Variants in LDB1 observed in about 807,000 individuals in gnomAD.
LDB1 encodes the protein LIM domain-binding protein 1.
In LDB1, 6 loss-of-function variants were observed where a neutral mutation model predicts 49.7. The ratio of observed to expected loss-of-function variants is 0.12; its 90% CI spans 0.07 to 0.24. The LOEUF (loss-of-function observed/expected upper bound fraction) is 0.24. Ranked by LOEUF, LDB1 falls within the 10% of genes least tolerant of loss-of-function variation. The pLI, the probability that LDB1 is intolerant of heterozygous loss-of-function variation, is 1.00. For synonymous variants in LDB1, 233 were observed against 202.0 expected (o/e 1.15, Z -1.30); for missense variants, 341 against 561.7 (o/e 0.61, Z 3.97).
chr10:102,115,109 T>C (rs915251954), intron 1 of LDB1: 1 of 152,100 alleles, frequency 6.6e-6, no homozygotes, highest in Non-Finnish European at 1.5e-5. Flanking sequence ...ACGGAGGGAC[T>C]GCTGAGAAAA....
chr10:102,114,932 GCCTGCCTTTCTCCCTTTCTCTC>G (rs1220364565), intron 1 of LDB1: 2 of 771,328 alleles, frequency 2.6e-6, no homozygotes, highest in African/African-American at 3.8e-5. Context: ...CCCGCCGGCT[GCCTGCCTTTCTCCCTTTCTCTC>G]CCTGCCTCCC....
intron 6 of LDB1, 92 bp from the exon 7 acceptor site, chr10:102,110,135 C>G: frequency 2.2e-6 from 3 of 1,389,820 alleles, no homozygotes; most frequent in South Asian, 2.6e-5. Context: ...TACAACTCTC[C>G]CATTGCATAC....
downstream of LDB1, among the ~76,000 whole-genome samples, chr10:102,106,455 C>T (rs2068160694): frequency 7.3e-6 from 1 of 136,954 alleles, no homozygotes; most frequent in African/African-American, 2.7e-5. Context: ...TGGACTGAGT[C>T]ATTATTAGGC....
At chr10:102,110,821 G>T (rs763174555) in intron 5 of LDB1, 48 bp downstream of exon 5, 2 of 1,583,542 alleles carry the variant, frequency 1.3e-6, no homozygotes, top group South Asian at 1.1e-5. Flanking sequence ...ACCTTAGAAC[G>T]ACATAGGAGG....
chr10:102,119,973 G>A, intron 1 of LDB1, 113 bp downstream of exon 1: 3 of 786,994 alleles, frequency 3.8e-6, no homozygotes, highest in South Asian at 2.3e-5. Flanking sequence ...TCCAGCCCCC[G>A]GCTTCCCCCA....
At position 102,106,723 on chromosome 10, in the gene LDB1, G is replaced by A. The variant is rs868035580; in HGVS notation, c.*1370C>T. Among the ~76,000 whole-genome samples the A allele has an allele frequency of 6.6e-6, 1 of 152,034 alleles. No individual in the cohort carries two copies. The highest frequency in any genetic ancestry group is 6.6e-5 in the Admixed American group (1 of 15,262). ...CAGAATCCAGAGGGAAGAGTGGGGA[G>A]AGAGGTGGTGTTAGCACTTCCTGGG... On this transcript the variant is annotated 3_prime_UTR_variant, in exon 11 of 11. Transcript: ENST00000673968.
At position 102,113,713 on chromosome 10, in the gene LDB1, C is replaced by T. The variant is rs184012981; in HGVS notation, c.26-2177G>A. On this transcript the variant is annotated intron_variant, in intron 1 of 10. Transcript: ENST00000673968. The stretch of plus-strand genomic sequence containing the variant: ...CACTTGAAATGTGTTAGCTCAAGAA[C>T]CTGAAGAGACAGGAGGCAGGACGCC... Among the ~76,000 whole-genome samples, 129 of 151,292 alleles carry T rather than the reference C, an allele frequency of 8.5e-4. 1 individual carries two copies. The South Asian group carries it at 0.014, about 16-fold the overall frequency.
At chr10:102,108,398 G>A (rs1358089703) in intron 10 of LDB1, 75 bp from the exon 11 acceptor site, 7 of 1,165,972 alleles carry the variant, frequency 6.0e-6, no homozygotes, top group African/African-American at 3.0e-5. Flanking sequence ...TACCCCCAGA[G>A]CCCCAGTACC....
intron 1 of LDB1, chr10:102,114,972 C>T: frequency 2.3e-6 from 1 of 437,070 alleles, no homozygotes. Flanking sequence ...CCCTCCCTCC[C>T]CGCTCGCTCT....
Position 102,107,990 on chromosome 10 carries a change from T to C in LDB1, c.*103A>G, listed in dbSNP as rs978323216. Reference sequence around the variant, plus strand: ...CTCCCTGAAGCGGGTGGATGGAGGCTGCCCATTTTAGATGCTCAGTCTCTT... The same window carrying C: ...CTCCCTGAAGCGGGTGGATGGAGGCCGCCCATTTTAGATGCTCAGTCTCTT... On this transcript the variant is annotated 3_prime_UTR_variant, in exon 11 of 11. Transcript: ENST00000673968. 4.4e-5 allele frequency: 41 copies of C among 935,416 alleles called. No individual in the cohort carries two copies. Among genetic ancestry groups the C allele is most frequent in the Middle Eastern group, 2.2e-4 (1 of 4,578 alleles). 57.9% of individuals were successfully genotyped at this position (935,416 alleles called of 1,614,324 possible).
In LDB1 at chr10:102,120,362, AGTGT is replaced by A. The variant is rs1270987861; in HGVS notation, c.-256_-253del. On this transcript the variant is annotated 5_prime_UTR_variant, in exon 1 of 11. Transcript: ENST00000673968. ...TGTGCGCGCGGGTGTGAGTCCGCGG[AGTGT>A]GTGTCCGTGTGTGCGTGTGTGCGCG... The A allele has an allele frequency of 7.1e-6, 7 of 982,992 alleles. No individual in the cohort carries two copies. The highest frequency in any genetic ancestry group is 7.2e-6 in the Non-Finnish European group (6 of 829,150). 60.9% of individuals were successfully genotyped at this position (982,992 alleles called of 1,614,324 possible).
Position 102,107,622 on chromosome 10 carries a change from T to A in LDB1, c.*471A>T, listed in dbSNP as rs2068182252. 1 of 155,500 alleles carries A rather than the reference T, an allele frequency of 6.4e-6. No individual in the cohort carries two copies. The highest frequency in any genetic ancestry group is 2.4e-5 in the African/African-American group (1 of 41,468). 9.6% of individuals were successfully genotyped at this position (155,500 alleles called of 1,614,324 possible). On this transcript the variant is annotated 3_prime_UTR_variant, in exon 11 of 11. Transcript: ENST00000673968. ...TAAAAAAACTTGGAGCTGGGATAAG[T>A]GGCAGCAGGGAGGAGGGGCCCAGAG...
Position 102,109,658 on chromosome 10 carries a change from T to G in LDB1, c.674A>C (p.Gln225Pro). 6.2e-7 allele frequency: 1 copy of G among 1,614,078 alleles called. No homozygotes were observed. Among genetic ancestry groups the G allele is most frequent in the Non-Finnish European group, 8.5e-7 (1 of 1,179,994 alleles). ...ACACCGAGTGATGTTTTTGGAGAGC[T>G]GATCCAACATCTGGGGGTCTTGGGC... ...MHAQDPQMLDQLSKNITRCGL... is the reference protein window; with the variant it reads ...MHAQDPQMLDPLSKNITRCGL... The change falls in exon 8 of 11, where the codon CAG becomes CCG. Residue 225 changes from glutamine (Q) to proline (P), a missense_variant. By Grantham distance (76) the Gln-to-Pro change is moderately conservative (BLOSUM62 -1). Around this residue, in one of 5 missense-constraint regions of LDB1, gnomAD observed 233 missense variants for 385.7 expected, o/e 0.60. Transcript: ENST00000673968. This position sits in a 1 kb window ranked among gnomAD's most constrained non-coding sequence, Gnocchi z 5.8.
At chr10:102,112,958 C>G (rs1168053997) in intron 1 of LDB1, among the ~76,000 whole-genome samples, 1 of 152,166 alleles carries the variant, frequency 6.6e-6, no homozygotes, top group Non-Finnish European at 1.5e-5. Context: ...CCCCTTCTCA[C>G]CAGATAGGAG....
rs1203784207 is a variant in LDB1 at position 102,107,291 on chromosome 10, C to A, written c.*802G>T. ...CAGGCCAGAGTCCAGAGAATGGGGACACAGAGACAACAGCAGGGGTCTGTC... is the reference window on the plus strand; with the variant it reads ...CAGGCCAGAGTCCAGAGAATGGGGAAACAGAGACAACAGCAGGGGTCTGTC... On this transcript the variant is annotated 3_prime_UTR_variant, in exon 11 of 11. Coordinates refer to ENST00000673968, the MANE Select transcript of LDB1 (RefSeq NM_001113407.3). Among the ~76,000 whole-genome samples, 1 of 152,080 alleles carries A rather than the reference C, an allele frequency of 6.6e-6. No homozygotes were observed. Among genetic ancestry groups the A allele is most frequent in the Non-Finnish European group, 1.5e-5 (1 of 68,002 alleles).
At chr10:102,105,348 T>C (rs1890169), downstream of LDB1, among the ~76,000 whole-genome samples, 127 of 152,244 alleles carry the variant, frequency 8.3e-4, no homozygotes, top group African/African-American at 2.7e-3. Flanking sequence ...CCAAGATAAC[T>C]GTAGATTGGA....
At chr10:102,105,670 C>T (rs1371771374), downstream of LDB1, among the ~76,000 whole-genome samples, 1 of 151,788 alleles carries the variant, frequency 6.6e-6, no homozygotes, top group African/African-American at 2.4e-5. Flanking sequence ...TAATTTAGAC[C>T]TCAGCTGCTG....
At chr10:102,115,428 A>T (rs2133525454) in intron 1 of LDB1, among the ~76,000 whole-genome samples, 1 of 152,256 alleles carries the variant, frequency 6.6e-6, no homozygotes, top group East Asian at 1.9e-4. Context: ...CCCTGGTGAA[A>T]TCCTGGAGCA....
chr10:102,114,916 G>A, intron 1 of LDB1: 4 of 868,870 alleles, frequency 4.6e-6, no homozygotes, highest in Non-Finnish European at 5.5e-6. Context: ...AAACACACAC[G>A]CAGCGCCCGC....
Sources: gnomAD v4.1 joint callset for allele counts (sites outside exome capture counted in the v4.1 genomes callset) on GRCh38, gnomAD v4.1.1 for gene constraint, gnomAD v4.1.1 regional missense constraint, Gnocchi (gnomAD v3.1) non-coding constraint, MANE v1.5 for transcripts, NCBI Gene and HGNC (gene_info 2026-07-23, HGNC 2026-07-21) for gene names.